CYP19A1: variants seen among roughly 807,000 people sequenced by gnomAD.
The protein encoded by CYP19A1 is aromatase.
CYP19A1 carries 32 observed loss-of-function variants against 44.4 expected under a neutral mutation model. That is an observed-to-expected ratio of 0.72 (90% confidence interval 0.54 to 0.97). The LOEUF (loss-of-function observed/expected upper bound fraction) is 0.97. CYP19A1 is among the 50% of genes least tolerant of loss of function. The pLI is 0.00. For missense variants in CYP19A1, 598 were observed against 637.8 expected (o/e 0.94, Z 0.67); for synonymous variants, 212 against 215.6 (o/e 0.98, Z 0.14).
At chr15:51,271,535 C>T (rs1199336152) in intron 1 of CYP19A1, among the ~76,000 whole-genome samples, 1 of 152,206 alleles carries the variant, frequency 6.6e-6, no homozygotes, top group Admixed American at 6.5e-5. Context: ...GGACAATTTA[C>T]AAGATCTAAA....
chr15:51,272,728 T>A (rs2035172196), intron 1 of CYP19A1, among the ~76,000 whole-genome samples: 1 of 152,144 alleles, frequency 6.6e-6, no homozygotes, highest in Non-Finnish European at 1.5e-5. Flanking sequence ...AACTCATGTA[T>A]GAAGTTTGTA....
chr15:51,294,196 C>T (rs2035920298), intron 1 of CYP19A1, among the ~76,000 whole-genome samples: 2 of 135,980 alleles, frequency 1.5e-5, no homozygotes, highest in African/African-American at 6.8e-5. Context: ...AGGAGCGTCT[C>T]TGCCCGGCTG....
chr15:51,300,521 C>T (rs757828239), intron 1 of CYP19A1, among the ~76,000 whole-genome samples: 10 of 152,222 alleles, frequency 6.6e-5, no homozygotes, highest in African/African-American at 9.6e-5. Context: ...TCCTTGTTCC[C>T]CAATCAGTTG....
chr15:51,218,665 A>G lies in CYP19A1; in HGVS notation c.629-10T>C, dbSNP rs781489846. The stretch of plus-strand genomic sequence containing the variant: ...ACCACGATAGCACTTTCTGTAGGAA[A>G]AAAAAACACACATACACAAGAAAGA... On this transcript the variant is annotated splice_polypyrimidine_tract_variant and intron_variant, in intron 5 of 9. Transcript: ENST00000396402. The G allele has an allele frequency of 4.5e-5, 72 of 1,608,806 alleles. No homozygotes were observed. Among genetic ancestry groups the G allele is most frequent in the Non-Finnish European group, 6.0e-5 (71 of 1,177,348 alleles).
intron 1 of CYP19A1, among the ~76,000 whole-genome samples, chr15:51,282,215 C>A (rs1280503074): frequency 2.0e-5 from 3 of 152,106 alleles, no homozygotes; most frequent in African/African-American, 4.8e-5. Flanking sequence ...TAGATGGAGC[C>A]CCTAAGATAC....
intron 1 of CYP19A1, among the ~76,000 whole-genome samples, chr15:51,323,174 C>T (rs2036554083): frequency 6.6e-6 from 1 of 152,180 alleles, no homozygotes; most frequent in African/African-American, 2.4e-5. Context: ...ACTATGTTAT[C>T]ACCACCCTGA....
chr15:51,301,961 A>G (rs2036123077), intron 1 of CYP19A1, among the ~76,000 whole-genome samples: 1 of 152,262 alleles, frequency 6.6e-6, no homozygotes, highest in African/African-American at 2.4e-5. Context: ...CACAAAATGT[A>G]GAGCTGCAAT....
chr15:51,282,718 G>A (rs904462958), intron 1 of CYP19A1, among the ~76,000 whole-genome samples: 1 of 152,204 alleles, frequency 6.6e-6, no homozygotes, highest in Non-Finnish European at 1.5e-5. Flanking sequence ...GGGCGACAAA[G>A]GCCCTGGTGA....
intron 1 of CYP19A1, among the ~76,000 whole-genome samples, chr15:51,295,007 A>G (rs1041466406): frequency 1.3e-5 from 2 of 151,988 alleles, no homozygotes; most frequent in Non-Finnish European, 2.9e-5. Context: ...GGGAAAAAAA[A>G]AAAAAGAATG....
At chr15:51,274,676 G>A (rs1017648215) in intron 1 of CYP19A1, among the ~76,000 whole-genome samples, 31 of 152,224 alleles carry the variant, frequency 2.0e-4, no homozygotes, top group African/African-American at 7.5e-4. Flanking sequence ...AGGTGTCTGA[G>A]TGATGGAAGG....
intron 1 of CYP19A1, among the ~76,000 whole-genome samples, chr15:51,254,012 G>A (rs577131630): frequency 1.4e-3 from 206 of 152,282 alleles, no homozygotes; most frequent in Admixed American, 3.4e-3. Context: ...TTTGTGTTAG[G>A]AAGCAATAAT....
At chr15:51,329,350 G>A (rs1034217716) in intron 1 of CYP19A1, among the ~76,000 whole-genome samples, 8 of 152,162 alleles carry the variant, frequency 5.3e-5, no homozygotes, top group Non-Finnish European at 8.8e-5. Context: ...AACCAGAGGG[G>A]CAGGAGACAC....
intron 8 of CYP19A1, 23 bp from the exon 9 acceptor site, chr15:51,212,584 CAAA>C: frequency 7.2e-7 from 1 of 1,394,090 alleles, no homozygotes; most frequent in Non-Finnish European, 1.0e-6. Context: ...ATAAAAGGAA[CAAA>C]GAAGGTAATG....
chr15:51,261,169 G>C (rs943589737), intron 1 of CYP19A1, among the ~76,000 whole-genome samples: 1 of 152,152 alleles, frequency 6.6e-6, no homozygotes, highest in Non-Finnish European at 1.5e-5. Flanking sequence ...TGGGTTCCAC[G>C]GTTCTCTTCC....
chr15:51,325,932 A>G (rs1241851614), intron 1 of CYP19A1, among the ~76,000 whole-genome samples: 1 of 152,068 alleles, frequency 6.6e-6, no homozygotes, highest in Non-Finnish European at 1.5e-5. Context: ...TGTGCTCAGA[A>G]CACTTACATT....
intron 1 of CYP19A1, among the ~76,000 whole-genome samples, chr15:51,328,547 G>GGTGT (rs56202041): frequency 0.019 from 2,869 of 147,390 alleles, 43 homozygotes; most frequent in African/African-American, 0.029. Flanking sequence ...ACAGGGCAGG[G>GGTGT]GTGTGTGTGT....
chr15:51,243,472 G>A (rs934002211), intron 1 of CYP19A1, among the ~76,000 whole-genome samples: 8 of 152,138 alleles, frequency 5.3e-5, no homozygotes, highest in Non-Finnish European at 8.8e-5. Flanking sequence ...CTTGGGCATC[G>A]TTGAGGTCTT....
intron 1 of CYP19A1, among the ~76,000 whole-genome samples, chr15:51,308,837 G>A (rs1284014218): frequency 2.0e-5 from 3 of 152,146 alleles, no homozygotes; most frequent in African/African-American, 7.2e-5. Context: ...CAGGCCTGCT[G>A]GATTGCTGTA....
intron 4 of CYP19A1, among the ~76,000 whole-genome samples, chr15:51,224,171 T>G (rs973890305): frequency 1.3e-5 from 2 of 152,066 alleles, no homozygotes; most frequent in Non-Finnish European, 2.9e-5. Context: ...CTTCCCTACC[T>G]CCCAAGATGG....
Sources: gnomAD v4.1 joint callset for allele counts (sites outside exome capture counted in the v4.1 genomes callset) on GRCh38, gnomAD v4.1.1 for gene constraint, MANE v1.5 for transcripts, NCBI Gene and HGNC (gene_info 2026-07-23, HGNC 2026-07-21) for gene names.